Variants in HMGCLL1 observed in about 807,000 individuals in gnomAD.
HMGCLL1 encodes 3-hydroxymethyl-3-methylglutaryl-CoA lyase, cytoplasmic.
Under a neutral mutation model 39.1 loss-of-function variants are expected in HMGCLL1, and 36 were observed. The ratio of observed to expected loss-of-function variants is 0.92; its 90% CI spans 0.71 to 1.22. The LOEUF (loss-of-function observed/expected upper bound fraction) is 1.22. HMGCLL1 is among the 50% of genes most tolerant of loss of function. HMGCLL1 has a pLI of 0.00. For missense variants in HMGCLL1, 451 were observed against 416.5 expected, an observed-to-expected ratio of 1.08 and a Z score of -0.72; for synonymous variants, 149 against 144.0, an observed-to-expected ratio of 1.03 and a Z score of -0.25.
the HMGCLL1 span, among the ~76,000 whole-genome samples, chr6:55,670,448 A>G: frequency 2.0e-5 from 3 of 151,916 alleles, no homozygotes; most frequent in Non-Finnish European, 4.4e-5. Flanking sequence ...GAGTTATGTT[A>G]CATTTTTATT....
At chr6:55,563,633 A>G (rs570086958) in intron 1 of HMGCLL1, among the ~76,000 whole-genome samples, 108 of 152,294 alleles carry the variant, frequency 7.1e-4, no homozygotes, top group African/African-American at 2.5e-3. Context: ...CAAGCACACT[A>G]TGAATCTGAA....
chr6:55,525,132 T>C (rs1768250945), intron 3 of HMGCLL1, among the ~76,000 whole-genome samples: 1 of 151,802 alleles, frequency 6.6e-6, no homozygotes, highest in Non-Finnish European at 1.5e-5. Context: ...AGCATAAATC[T>C]TTCCCTTACT....
intron 6 of HMGCLL1, 148 bp from the exon 7 acceptor site, chr6:55,495,755 T>C (rs576769486): frequency 2.5e-4 from 127 of 510,904 alleles, no homozygotes; most frequent in African/African-American, 2.4e-3. Flanking sequence ...TCTGGTCCTT[T>C]TTCTTTGCTT....
At chr6:55,586,157 A>G in the HMGCLL1 span, among the ~76,000 whole-genome samples, 1 of 152,098 alleles carries the variant, frequency 6.6e-6, no homozygotes, top group Non-Finnish European at 1.5e-5. Context: ...AACTAACTAA[A>G]ATAGGCCAGT....
At position 55,435,419 on chromosome 6, in the gene HMGCLL1, T is replaced by A. The variant is rs965392657; in HGVS notation, c.*243A>T. On this transcript the variant is annotated 3_prime_UTR_variant, in exon 9 of 9. Coordinates refer to ENST00000274901, the MANE Select transcript of HMGCLL1 (RefSeq NM_001042406.2). ...TTATTTCTATGAGAGCAAAAGAAAC[T>A]TTTTTCCAAGTTCAAAATTATGACA... 4 of 333,934 alleles carry A rather than the reference T, an allele frequency of 1.2e-5. No homozygotes were observed. Among genetic ancestry groups the A allele is most frequent in the South Asian group, 8.3e-5 (1 of 12,010 alleles). The allele number at this position is 333,934 out of a possible 1,614,324, so 20.7% of individuals were successfully genotyped here.
At chr6:55,520,472 T>C (rs1767982663) in intron 3 of HMGCLL1, among the ~76,000 whole-genome samples, 1 of 151,996 alleles carries the variant, frequency 6.6e-6, no homozygotes, top group African/African-American at 2.4e-5. Flanking sequence ...AATAGTATTC[T>C]GTCTTAATTT....
chr6:55,603,194 T>C, the HMGCLL1 span, among the ~76,000 whole-genome samples: 1 of 152,114 alleles, frequency 6.6e-6, no homozygotes, highest in Non-Finnish European at 1.5e-5. Flanking sequence ...AAACTATCAG[T>C]ACCAATCTGA....
At chr6:55,581,268 C>T (rs115825074), upstream of HMGCLL1, among the ~76,000 whole-genome samples, 1,457 of 151,956 alleles carry the variant, frequency 9.6e-3, 29 homozygotes, top group African/African-American at 0.033. Flanking sequence ...ATTAGTTGAC[C>T]ATAGTGATAC....
At chr6:55,591,923 C>A in the HMGCLL1 span, among the ~76,000 whole-genome samples, 5 of 151,926 alleles carry the variant, frequency 3.3e-5, no homozygotes, top group South Asian at 1.0e-3. Flanking sequence ...AATCTCAAAT[C>A]TCCACTAAAT....
chr6:55,595,513 A>G, the HMGCLL1 span, among the ~76,000 whole-genome samples: 6 of 152,218 alleles, frequency 3.9e-5, no homozygotes, highest in Admixed American at 3.3e-4. Flanking sequence ...GATTTATGGA[A>G]TCAAGGTGAA....
chr6:55,543,215 T>A (rs1372451992), intron 1 of HMGCLL1, among the ~76,000 whole-genome samples: 1 of 16,122 alleles, frequency 6.2e-5, no homozygotes. Context: ...ATATTATATA[T>A]TATATAATAT....
intron 7 of HMGCLL1, among the ~76,000 whole-genome samples, chr6:55,445,316 T>C (rs1763771749): frequency 6.6e-6 from 1 of 152,032 alleles, no homozygotes; most frequent in Non-Finnish European, 1.5e-5. Context: ...GTCATAATCT[T>C]CTAAGAAAAT....
At chr6:55,453,524 T>C (rs1019962997) in intron 7 of HMGCLL1, among the ~76,000 whole-genome samples, 10 of 152,204 alleles carry the variant, frequency 6.6e-5, no homozygotes, top group Non-Finnish European at 1.5e-4. Flanking sequence ...GCATAGCTCC[T>C]GATCATGGGA....
chr6:55,508,114 A>G (rs754824434), intron 5 of HMGCLL1, among the ~76,000 whole-genome samples: 3 of 151,796 alleles, frequency 2.0e-5, no homozygotes, highest in Admixed American at 6.6e-5. Context: ...CCTAGTTTAA[A>G]GAAGTCCTAT....
chr6:55,572,499 A>G (rs1395169769), intron 1 of HMGCLL1, among the ~76,000 whole-genome samples: 1 of 152,114 alleles, frequency 6.6e-6, no homozygotes, highest in Non-Finnish European at 1.5e-5. Flanking sequence ...TATTTAAAAT[A>G]TATATTCATT....
chr6:55,644,608 C>G, the HMGCLL1 span, among the ~76,000 whole-genome samples: 932 of 152,146 alleles, frequency 6.1e-3, 13 homozygotes, highest in African/African-American at 0.021. Flanking sequence ...TTTTATTCTT[C>G]TGCTCATCGA....
the HMGCLL1 span, among the ~76,000 whole-genome samples, chr6:55,647,313 A>G: frequency 6.6e-6 from 1 of 151,780 alleles, no homozygotes; most frequent in East Asian, 2.0e-4. Flanking sequence ...TGTTTCTTGT[A>G]GGTAACAGAT....
At chr6:55,609,550 A>C in the HMGCLL1 span, among the ~76,000 whole-genome samples, 1 of 152,120 alleles carries the variant, frequency 6.6e-6, no homozygotes, top group African/African-American at 2.4e-5. Context: ...TCCTAGGAGA[A>C]GGGGTAACCA....
At chr6:55,657,658 A>G in the HMGCLL1 span, among the ~76,000 whole-genome samples, 9 of 152,174 alleles carry the variant, frequency 5.9e-5, no homozygotes, top group Non-Finnish European at 1.3e-4. Context: ...GAATCAACCT[A>G]AATGCCCATC....
Sources: allele counts gnomAD v4.1 joint callset (sites outside exome capture counted in the v4.1 genomes callset), GRCh38; gene constraint gnomAD v4.1.1; transcripts MANE v1.5; gene names NCBI Gene and HGNC (gene_info 2026-07-23, HGNC 2026-07-21).